Variants in CNIH3 observed in about 807,000 individuals in gnomAD.
CNIH3 encodes the protein protein cornichon homolog 3.
CNIH3 carries 14 observed loss-of-function variants against 24.1 expected under a neutral mutation model. That is an observed-to-expected ratio of 0.58 (90% confidence interval 0.38 to 0.91). The LOEUF is 0.91. CNIH3 is among the 40% of genes least tolerant of loss of function. CNIH3 has a pLI of 0.00. For synonymous variants in CNIH3, 68 were observed against 73.8 expected (o/e 0.92, Z 0.40); for missense variants, 178 against 196.8 (o/e 0.90, Z 0.57).
chr1:224,455,332 C>T (rs886370772), intron 1 of CNIH3, among the ~76,000 whole-genome samples: 19 of 152,130 alleles, frequency 1.2e-4, no homozygotes, highest in African/African-American at 4.1e-4. Context: ...AGGTGGGGGC[C>T]TGAATCCACC....
At chr1:224,476,622 A>C (rs1254045594) in intron 1 of CNIH3, among the ~76,000 whole-genome samples, 1 of 152,184 alleles carries the variant, frequency 6.6e-6, no homozygotes, top group African/African-American at 2.4e-5. Context: ...TACAATGAAA[A>C]CTATAAAACA....
intron 1 of CNIH3, among the ~76,000 whole-genome samples, chr1:224,438,311 G>T (rs1674756196): frequency 2.6e-5 from 4 of 151,616 alleles, no homozygotes; most frequent in African/African-American, 9.7e-5. Flanking sequence ...TCCCGTCTTG[G>T]CCTCCCAAAG....
At chr1:224,480,734 A>G (rs903571724) in intron 1 of CNIH3, among the ~76,000 whole-genome samples, 1 of 152,172 alleles carries the variant, frequency 6.6e-6, no homozygotes. Flanking sequence ...CCCCATCTCC[A>G]TCTGAGACCA....
At chr1:224,658,861 T>C (rs1391726029) in intron 1 of CNIH3, among the ~76,000 whole-genome samples, 2 of 152,226 alleles carry the variant, frequency 1.3e-5, no homozygotes, top group Admixed American at 1.3e-4. Context: ...CTAAGTTCAG[T>C]AAAACCTTAT....
At chr1:224,738,906 G>A (rs565976209) in intron 5 of CNIH3, among the ~76,000 whole-genome samples, 169 of 152,222 alleles carry the variant, frequency 1.1e-3, no homozygotes, top group African/African-American at 3.9e-3. Context: ...CAGCACTACC[G>A]TATTATCCAG....
chr1:224,484,077 A>G (rs1676927063), intron 1 of CNIH3, among the ~76,000 whole-genome samples: 1 of 151,850 alleles, frequency 6.6e-6, no homozygotes, highest in Admixed American at 6.6e-5. Flanking sequence ...AGGCTGAGGC[A>G]GGAGAATTGA....
chr1:224,525,234 A>G (rs530414380), intron 2 of CNIH3, among the ~76,000 whole-genome samples: 1 of 152,330 alleles, frequency 6.6e-6, no homozygotes, highest in Non-Finnish European at 1.5e-5. Context: ...GGAAATGCAC[A>G]AACACTTCCG....
At chr1:224,471,625 CT>C (rs1211924956) in intron 1 of CNIH3, among the ~76,000 whole-genome samples, 5 of 149,676 alleles carry the variant, frequency 3.3e-5, no homozygotes, top group African/African-American at 1.2e-4. Context: ...GAGTCTCGCT[CT>C]GTCACCCAGG....
chr1:224,582,079 T>C (rs1371583912), intron 4 of CNIH3, among the ~76,000 whole-genome samples: 1 of 152,300 alleles, frequency 6.6e-6, no homozygotes, highest in East Asian at 1.9e-4. Context: ...TGGGGAGGGC[T>C]GTGGAAGCTG....
chr1:224,579,620 T>C (rs971084178), intron 4 of CNIH3, among the ~76,000 whole-genome samples: 3 of 151,972 alleles, frequency 2.0e-5, no homozygotes, highest in African/African-American at 7.2e-5. Context: ...GTGCTGGAGG[T>C]GGAGTCTAAT....
At chr1:224,685,883 T>C (rs115447499) in intron 3 of CNIH3, among the ~76,000 whole-genome samples, 2,373 of 152,278 alleles carry the variant, frequency 0.016, 65 homozygotes, top group African/African-American at 0.054. Flanking sequence ...AAAGCCTATA[T>C]ATGAAAATAT....
intron 2 of CNIH3, among the ~76,000 whole-genome samples, chr1:224,545,962 C>G (rs1679690261): frequency 6.6e-6 from 1 of 152,098 alleles, no homozygotes; most frequent in Non-Finnish European, 1.5e-5. Context: ...CCTTGGTTTG[C>G]AGGTGGCTTC....
chr1:224,448,543 T>G (rs1318048777), intron 1 of CNIH3, among the ~76,000 whole-genome samples: 1 of 152,232 alleles, frequency 6.6e-6, no homozygotes, highest in Non-Finnish European at 1.5e-5. Flanking sequence ...GTAAGTGGGA[T>G]CATGACTTCT....
At chr1:224,557,018 A>G (rs1189107798) in intron 3 of CNIH3, among the ~76,000 whole-genome samples, 1 of 152,142 alleles carries the variant, frequency 6.6e-6, no homozygotes, top group African/African-American at 2.4e-5. Context: ...AGGCTTGAAG[A>G]GAGAGGGAAG....
upstream of CNIH3, among the ~76,000 whole-genome samples, chr1:224,612,653 G>A (rs1381282295): frequency 6.6e-6 from 1 of 152,200 alleles, no homozygotes; most frequent in African/African-American, 2.4e-5. The surrounding 1 kb of genome is among the most constrained non-coding windows in gnomAD (Gnocchi z 4.7). Context: ...CCTGGCAAAA[G>A]AAGTTGAAAA....
chr1:224,645,231 C>T (rs1684545871), intron 1 of CNIH3, among the ~76,000 whole-genome samples: 1 of 152,220 alleles, frequency 6.6e-6, no homozygotes, highest in South Asian at 2.1e-4. Context: ...ACCACCTCCC[C>T]ACTGCCCTGC....
At chr1:224,652,685 G>A (rs1313985008) in intron 1 of CNIH3, among the ~76,000 whole-genome samples, 1 of 152,182 alleles carries the variant, frequency 6.6e-6, no homozygotes, top group African/African-American at 2.4e-5. Context: ...CAACGTAGAA[G>A]GAGCAGGAAG....
At chr1:224,688,331 G>A (rs1474130466) in intron 3 of CNIH3, among the ~76,000 whole-genome samples, 1 of 152,170 alleles carries the variant, frequency 6.6e-6, no homozygotes. Context: ...AGCTTAAGTT[G>A]GTAACACTGT....
At position 224,670,305 on chromosome 1, in the gene CNIH3, TCGG is replaced by T. The variant is rs1685802502; in HGVS notation, c.82-10652_82-10650del. On this transcript the variant is annotated intron_variant, in intron 1 of 5. Transcript: ENST00000272133. Reference sequence around the variant, plus strand: ...TGGTGGCATGGGAAGATCTGGACACTCGGGGCTGCTGCTCAGGTGTGGAGGGCA... The same window carrying T: ...TGGTGGCATGGGAAGATCTGGACACTGGCTGCTGCTCAGGTGTGGAGGGCA... 3.9e-5 allele frequency among the ~76,000 whole-genome samples: 6 copies of T among 152,286 alleles called. No homozygotes were observed. In the South Asian group the frequency reaches 1.2e-3, roughly 32 times the overall value.
Sources: gnomAD v4.1 joint callset for allele counts (sites outside exome capture counted in the v4.1 genomes callset) on GRCh38, gnomAD v4.1.1 for gene constraint, Gnocchi (gnomAD v3.1) non-coding constraint, MANE v1.5 for transcripts, NCBI Gene and HGNC (gene_info 2026-07-23, HGNC 2026-07-21) for gene names.